Variants in HSPA4 observed in about 807,000 individuals in gnomAD.
HSPA4 encodes the protein heat shock 70 kDa protein 4.
HSPA4 carries 25 observed loss-of-function variants against 106.2 expected under a neutral mutation model. That is an observed-to-expected ratio of 0.24 (90% CI 0.17 to 0.33). The LOEUF (loss-of-function observed/expected upper bound fraction) is 0.33, where lower values mean the gene tolerates loss of function less well. Among genes scored for constraint, HSPA4 ranks in the 10% least tolerant of loss-of-function variants. HSPA4 has a pLI of 1.00. For synonymous variants in HSPA4, 332 were observed against 333.6 expected (o/e 1.00, Z 0.05); for missense variants, 841 against 996.0 (o/e 0.84, Z 2.10).
chr5:133,059,805 G>A (rs939628450), intron 1 of HSPA4, among the ~76,000 whole-genome samples: 1 of 152,134 alleles, frequency 6.6e-6, no homozygotes, highest in African/African-American at 2.4e-5. Flanking sequence ...ACACCACCTG[G>A]CACCAGAAGG....
chr5:133,089,723 GAAAA>G (rs61130801), intron 11 of HSPA4, 28 bp downstream of exon 11: 18 of 1,031,222 alleles, frequency 1.7e-5, no homozygotes, highest in Non-Finnish European at 2.3e-5. Context: ...AATTAAAAAA[GAAAA>G]AAAAAAAAAA....
At chr5:133,081,605 C>CT (rs1561581581) in intron 7 of HSPA4, among the ~76,000 whole-genome samples, 1 of 152,156 alleles carries the variant, frequency 6.6e-6, no homozygotes, top group African/African-American at 2.4e-5. Flanking sequence ...ATTTGGCTCT[C>CT]TGAGTTAGGT....
At chr5:133,070,866 C>T (rs1269034533) in intron 4 of HSPA4, among the ~76,000 whole-genome samples, 2 of 152,132 alleles carry the variant, frequency 1.3e-5, no homozygotes, top group Non-Finnish European at 2.9e-5. Flanking sequence ...CATGCCATTG[C>T]ACTTCGGCCT....
chr5:133,066,333 T>G (rs1765305126), intron 2 of HSPA4, among the ~76,000 whole-genome samples: 1 of 152,184 alleles, frequency 6.6e-6, no homozygotes, highest in Non-Finnish European at 1.5e-5. Context: ...TCTCCTGCAT[T>G]GGGAGGAGCA....
intron 1 of HSPA4, among the ~76,000 whole-genome samples, chr5:133,057,179 C>T (rs1274960723): frequency 1.3e-5 from 2 of 152,122 alleles, no homozygotes; most frequent in Non-Finnish European, 2.9e-5. Flanking sequence ...TAGTCCATGG[C>T]TAATGCAGTA....
At chr5:133,064,072 CAG>C (rs1231448099) in intron 1 of HSPA4, among the ~76,000 whole-genome samples, 5 of 152,190 alleles carry the variant, frequency 3.3e-5, no homozygotes, top group African/African-American at 1.2e-4. Context: ...AGCGTAAGCA[CAG>C]AGTTTTTATT....
chr5:133,079,354 T>A (rs374482596), intron 7 of HSPA4, among the ~76,000 whole-genome samples: 1 of 152,226 alleles, frequency 6.6e-6, no homozygotes, highest in Admixed American at 6.5e-5. Flanking sequence ...TTCTGTGGAT[T>A]TATCTATTCT....
intron 14 of HSPA4, 119 bp downstream of exon 14, chr5:133,096,369 T>A: frequency 1.1e-6 from 1 of 901,366 alleles, no homozygotes; most frequent in Non-Finnish European, 1.7e-6. Context: ...GAAAATAAAT[T>A]AGACTTTTGT....
In HSPA4 at chr5:133,076,624, T is replaced by C. The variant is rs1348709332; in HGVS notation, c.664-30T>C. 1.9e-6 allele frequency: 3 copies of C among 1,595,092 alleles called. No homozygotes were observed. The Admixed American group carries it at 5.1e-5, about 27-fold the overall frequency. ...TCTGTTTCAAAATCGATTGGTTAAT[T>C]GTTAGATTAATTCTCATTTTTTCCT... On this transcript the variant is annotated intron_variant, in intron 6 of 18. Coordinates refer to ENST00000304858, the MANE Select transcript of HSPA4 (RefSeq NM_002154.4).
At chr5:133,103,365 CT>C in intron 17 of HSPA4, among the ~76,000 whole-genome samples, 1 of 148,876 alleles carries the variant, frequency 6.7e-6, no homozygotes, top group East Asian at 2.1e-4. Flanking sequence ...CCCGAAAGGC[CT>C]TCTTCTTCTT....
chr5:133,096,131 G>T lies in HSPA4; in HGVS notation c.1684G>T (p.Asp562Tyr). The change falls in exon 14 of 19, where the codon GAC becomes TAC. Residue 562 changes from aspartate (D) to tyrosine (Y), a missense_variant. By Grantham distance (160) the Asp-to-Tyr change is radical. Transcript: ENST00000304858. Reference protein sequence around the residue: ...SQAGSKDKKMDQPPQAKKAKV... With the variant: ...SQAGSKDKKMYQPPQAKKAKV... ...AGCTGGATCCAAGGATAAAAAGATG[G>T]ACCAACCACCCCAAGCCAAGAAGGC... The T allele has an allele frequency of 6.2e-7, 1 of 1,613,884 alleles. No homozygotes were observed. The highest frequency in any genetic ancestry group is 8.5e-7 in the Non-Finnish European group (1 of 1,179,884).
chr5:133,061,429 C>CTACT (rs55834426), intron 1 of HSPA4, among the ~76,000 whole-genome samples: 3,439 of 151,426 alleles, frequency 0.023, 129 homozygotes, highest in African/African-American at 0.075. Context: ...GCCGTGTTTT[C>CTACT]TAAGTTGCTG....
chr5:133,070,843 G>C (rs1161614707), intron 4 of HSPA4, among the ~76,000 whole-genome samples: 1 of 152,098 alleles, frequency 6.6e-6, no homozygotes, highest in African/African-American at 2.4e-5. Context: ...CTGAGGTTGC[G>C]GTGAGCCGAG....
rs769549816 is a variant in HSPA4 at position 133,070,371 on chromosome 5, C to A, written c.307-3C>A. 24 of 1,606,578 alleles carry A rather than the reference C, an allele frequency of 1.5e-5. No homozygotes were observed. Among genetic ancestry groups the A allele is most frequent in the Non-Finnish European group, 2.0e-5 (23 of 1,177,880 alleles). Reference sequence around the variant, plus strand: ...TCTAGGCCCCTTTGTTGTTTTCTTGCAGGTGACATATATGGAGGAAGAGCG... The same window carrying A: ...TCTAGGCCCCTTTGTTGTTTTCTTGAAGGTGACATATATGGAGGAAGAGCG... On this transcript the variant is annotated splice_polypyrimidine_tract_variant and splice_region_variant and intron_variant, in intron 3 of 18. Transcript: ENST00000304858.
intron 7 of HSPA4, among the ~76,000 whole-genome samples, chr5:133,082,112 A>G (rs1304616822): frequency 1.3e-5 from 2 of 152,236 alleles, no homozygotes; most frequent in African/African-American, 4.8e-5. Flanking sequence ...TGTAATACAG[A>G]TACATACTAA....
At chr5:133,096,863 C>A (rs1765718985) in intron 14 of HSPA4, among the ~76,000 whole-genome samples, 1 of 152,182 alleles carries the variant, frequency 6.6e-6, no homozygotes, top group Admixed American at 6.5e-5. Flanking sequence ...CAGAGGATAT[C>A]ACTTAGTGAC....
intron 1 of HSPA4, among the ~76,000 whole-genome samples, chr5:133,055,830 C>G (rs1325202235): frequency 6.6e-6 from 1 of 152,142 alleles, no homozygotes; most frequent in Non-Finnish European, 1.5e-5. Context: ...GTAATCCCAG[C>G]ACTCTGGGAG....
intron 7 of HSPA4, among the ~76,000 whole-genome samples, chr5:133,078,659 TTGTAC>T (rs1400734800): frequency 2.1e-5 from 3 of 142,786 alleles, no homozygotes; most frequent in Non-Finnish European, 3.1e-5. Context: ...AAAAAAAAAG[TTGTAC>T]TGTATTTACA....
chr5:133,076,831 G>C lies in HSPA4; in HGVS notation c.841G>C (p.Ala281Pro). ...EKLKKLMSAN[A>P]SDLPLSIECF... ...ACTCAAGAAATTGATGAGTGCAAAT[G>C]CTTCAGATCTCCCTTTGAGCATTGA... The change falls in exon 7 of 19, where the codon GCT becomes CCT. Residue 281 changes from alanine to proline, a missense_variant. This residue lies in a region of HSPA4 where 347 missense variants were observed against 408.7 expected (regional missense o/e 0.85). Coordinates refer to ENST00000304858, the MANE Select transcript of HSPA4 (RefSeq NM_002154.4). 6.2e-7 allele frequency: 1 copy of C among 1,612,484 alleles called. No homozygotes were observed.
Sources: allele counts gnomAD v4.1 joint callset (sites outside exome capture counted in the v4.1 genomes callset), GRCh38; gene constraint gnomAD v4.1.1; regional missense constraint gnomAD v4.1.1; transcripts MANE v1.5; gene names NCBI Gene and HGNC (gene_info 2026-07-23, HGNC 2026-07-21).